The following NTNG1 variants were observed in gnomAD, a reference collection of about 807,000 sequenced individuals.
The protein encoded by NTNG1 is netrin-G1.
In NTNG1, 16 loss-of-function variants were observed where a neutral mutation model predicts 54.0. The ratio of observed to expected loss-of-function variants is 0.30; its 90% CI spans 0.20 to 0.45. The LOEUF (loss-of-function observed/expected upper bound fraction) is 0.45. Ranked by LOEUF, NTNG1 falls within the 20% of genes least tolerant of loss-of-function variation. The pLI is 1.00. For synonymous variants in NTNG1, 255 were observed against 263.1 expected, an observed-to-expected ratio of 0.97 and a Z score of 0.30; for missense variants, 530 against 678.7, an observed-to-expected ratio of 0.78 and a Z score of 2.43.
At chr1:107,252,792 CCT>C (rs1340624167) in intron 2 of NTNG1, among the ~76,000 whole-genome samples, 1 of 152,112 alleles carries the variant, frequency 6.6e-6, no homozygotes, top group African/African-American at 2.4e-5. Context: ...TTAAGTGCCC[CCT>C]TCTATTTCAG....
rs869287441 is a variant in NTNG1 at position 107,386,166 on chromosome 1, T to TATA, written c.888-8988_888-8987insATA. 5.3e-3 allele frequency among the ~76,000 whole-genome samples: 225 copies of TATA among 42,140 alleles called. 2 individuals carry two copies. The highest frequency in any genetic ancestry group is 6.7e-3 in the Non-Finnish European group (118 of 17,622). The allele number at this position is 42,140 out of a possible 152,430, so 27.6% of individuals were successfully genotyped here. A position where few individuals can be genotyped will look rare whatever the true frequency, so the allele number is the denominator to read the frequency against. ...ATATGTGTGTATATATATATATATA[T>TATA]TTTTTTTTTTTTCTTCCTTTGAAAT... On this transcript the variant is annotated intron_variant, in intron 3 of 7. Transcript: ENST00000370068.
chr1:107,149,831 A>G (rs1418330077), intron 2 of NTNG1, among the ~76,000 whole-genome samples: 2 of 152,196 alleles, frequency 1.3e-5, no homozygotes, highest in Admixed American at 1.3e-4. Context: ...TCTCCACATA[A>G]CAGATATAAT....
chr1:107,272,050 A>G (rs1664179386), intron 2 of NTNG1, among the ~76,000 whole-genome samples: 1 of 152,164 alleles, frequency 6.6e-6, no homozygotes, highest in Non-Finnish European at 1.5e-5. Flanking sequence ...TAAAAGTCAA[A>G]TGGAAATCAG....
chr1:107,276,001 G>A (rs1290632397), intron 2 of NTNG1, among the ~76,000 whole-genome samples: 3 of 152,176 alleles, frequency 2.0e-5, no homozygotes, highest in African/African-American at 7.2e-5. Context: ...TGCAGAAGGT[G>A]CTAAACTTAA....
At chr1:107,219,480 T>G (rs1660199891) in intron 2 of NTNG1, among the ~76,000 whole-genome samples, 1 of 152,208 alleles carries the variant, frequency 6.6e-6, no homozygotes. Context: ...TTTGTGGGTG[T>G]TAAAGAATCT....
chr1:107,253,533 AC>A (rs1353488513), intron 2 of NTNG1, among the ~76,000 whole-genome samples: 1 of 151,984 alleles, frequency 6.6e-6, no homozygotes, highest in African/African-American at 2.4e-5. Context: ...AGAGAAGGGT[AC>A]TCTTTTGGCT....
At chr1:107,147,702 A>T (rs1008086705) in intron 1 of NTNG1, among the ~76,000 whole-genome samples, 6 of 152,216 alleles carry the variant, frequency 3.9e-5, no homozygotes, top group Non-Finnish European at 8.8e-5. Context: ...TCATTATAAA[A>T]GTGCTCATTT....
intron 2 of NTNG1, among the ~76,000 whole-genome samples, chr1:107,297,566 TC>T (rs907350096): frequency 2.6e-5 from 4 of 151,998 alleles, no homozygotes; most frequent in Non-Finnish European, 5.9e-5. Context: ...CTTAAACAGT[TC>T]CCCAGGTGAT....
intron 7 of NTNG1, chr1:107,460,497 C>G (rs1024356076): frequency 3.9e-5 from 19 of 492,320 alleles, no homozygotes; most frequent in African/African-American, 3.1e-4. Context: ...ATTATTTCCT[C>G]TATGGCCCAT....
intron 3 of NTNG1, among the ~76,000 whole-genome samples, chr1:107,329,484 G>A (rs1037787334): frequency 1.3e-5 from 2 of 152,198 alleles, no homozygotes; most frequent in Admixed American, 6.5e-5. Context: ...AGGCAAGCAA[G>A]AACACTTGGG....
chr1:107,180,257 T>A (rs2101128715), intron 2 of NTNG1, among the ~76,000 whole-genome samples: 1 of 152,324 alleles, frequency 6.6e-6, no homozygotes. Context: ...ATCCTTTTAC[T>A]TAGTAAGCAT....
chr1:107,341,506 A>C (rs1206254451), intron 3 of NTNG1, among the ~76,000 whole-genome samples: 1 of 152,082 alleles, frequency 6.6e-6, no homozygotes. Context: ...TGGGTAATGA[A>C]GTTATATTAT....
chr1:107,375,873 T>A (rs886347390), intron 3 of NTNG1, among the ~76,000 whole-genome samples: 1 of 152,232 alleles, frequency 6.6e-6, no homozygotes, highest in Non-Finnish European at 1.5e-5. Flanking sequence ...GTTTTTCCTG[T>A]GCTTTAAATT....
chr1:107,422,180 G>T (rs1054179936), intron 5 of NTNG1, among the ~76,000 whole-genome samples: 2 of 152,050 alleles, frequency 1.3e-5, no homozygotes, highest in African/African-American at 4.8e-5. Context: ...TTGGGTTGAG[G>T]GGAACCCAAT....
chr1:107,349,389 A>G (rs569113179), intron 3 of NTNG1, among the ~76,000 whole-genome samples: 11 of 152,304 alleles, frequency 7.2e-5, no homozygotes, highest in East Asian at 1.9e-4. Context: ...TTATATGCAT[A>G]AAATCCTTTT....
intron 2 of NTNG1, among the ~76,000 whole-genome samples, chr1:107,205,298 T>G (rs1305100517): frequency 6.6e-6 from 1 of 152,110 alleles, no homozygotes; most frequent in East Asian, 1.9e-4. Flanking sequence ...GATATGCCTG[T>G]CTCCCCAAAT....
chr1:107,414,905 A>G (rs1270658492), intron 5 of NTNG1, among the ~76,000 whole-genome samples: 2 of 152,188 alleles, frequency 1.3e-5, no homozygotes, highest in African/African-American at 2.4e-5. Flanking sequence ...CTCTATTTAC[A>G]TGCACCATAT....
intron 2 of NTNG1, among the ~76,000 whole-genome samples, chr1:107,201,118 A>G (rs1415268299): frequency 6.6e-6 from 1 of 151,808 alleles, no homozygotes; most frequent in Non-Finnish European, 1.5e-5. Flanking sequence ...AAAAACTTGT[A>G]CCTTTATTTT....
At chr1:107,288,464 G>C (rs1665355096) in intron 2 of NTNG1, among the ~76,000 whole-genome samples, 1 of 152,134 alleles carries the variant, frequency 6.6e-6, no homozygotes, top group South Asian at 2.1e-4. Flanking sequence ...TTGTGAAATA[G>C]TAAGGGGAAA....
Sources: allele counts gnomAD v4.1 joint callset (sites outside exome capture counted in the v4.1 genomes callset), GRCh38; gene constraint gnomAD v4.1.1; transcripts MANE v1.5; gene names NCBI Gene and HGNC (gene_info 2026-07-23, HGNC 2026-07-21).